PCDH15: variants seen among roughly 807,000 people sequenced by gnomAD.
PCDH15 encodes the protein protocadherin related 15.
Under a neutral mutation model 178.5 loss-of-function variants are expected in PCDH15, and 129 were observed. The ratio of observed to expected loss-of-function variants is 0.72; its 90% CI spans 0.63 to 0.84. The LOEUF (loss-of-function observed/expected upper bound fraction) is 0.84, where lower values mean the gene tolerates loss of function less well. Among genes scored for constraint, PCDH15 ranks in the 40% least tolerant of loss-of-function variants. PCDH15 has a pLI of 0.00. For synonymous variants in PCDH15, 800 were observed against 732.0 expected (o/e 1.09, Z -1.50); for missense variants, 2,230 against 2,099.9 (o/e 1.06, Z -1.21).
intron 1 of PCDH15, among the ~76,000 whole-genome samples, chr10:54,702,088 G>T: frequency 6.6e-6 from 1 of 151,758 alleles, no homozygotes; most frequent in East Asian, 1.9e-4. Context: ...CAACAAAATT[G>T]AAATCATACC....
At chr10:54,527,682 T>C (rs2083484837) in intron 3 of PCDH15, 130 bp downstream of exon 3, 2 of 572,266 alleles carry the variant, frequency 3.5e-6, no homozygotes, top group Admixed American at 7.0e-5. Flanking sequence ...AAACCCATAC[T>C]GGAGGGGAAT....
In PCDH15 at chr10:54,396,213, C is replaced by T. The variant is rs189603341; in HGVS notation, c.158-17271G>A. Reference sequence around the variant, plus strand: ...TTAACAAGCTTTACTTAGCCTTTATCTGCCTTTTCTTTGCCTTGCCTCAAG... The same window carrying T: ...TTAACAAGCTTTACTTAGCCTTTATTTGCCTTTTCTTTGCCTTGCCTCAAG... On this transcript the variant is annotated intron_variant, in intron 3 of 37. Coordinates refer to ENST00000644397, the MANE Select transcript of PCDH15 (RefSeq NM_001384140.1). 2.1e-3 allele frequency among the ~76,000 whole-genome samples: 317 copies of T among 152,284 alleles called. 1 individual carries two copies. Among genetic ancestry groups the T allele is most frequent in the Middle Eastern group, 6.8e-3 (2 of 294 alleles).
chr10:54,582,028 T>C (rs1463379132), intron 2 of PCDH15, among the ~76,000 whole-genome samples: 1 of 152,096 alleles, frequency 6.6e-6, no homozygotes, highest in Admixed American at 6.6e-5. Context: ...AATTTATGGC[T>C]AAATCCTCAA....
At chr10:54,749,275 G>A (rs570863923) in intron 1 of PCDH15, among the ~76,000 whole-genome samples, 1 of 152,132 alleles carries the variant, frequency 6.6e-6, no homozygotes, top group Non-Finnish European at 1.5e-5. Flanking sequence ...ACATGATGAC[G>A]ATTTGTAAAA....
rs935100915 is a variant in PCDH15 at position 55,374,524 on chromosome 10, T to C, written c.-155-207873A>G. Among the ~76,000 whole-genome samples the C allele has an allele frequency of 3.3e-5, 5 of 152,016 alleles. No homozygotes were observed. The East Asian group carries it at 9.6e-4, about 29-fold the overall frequency. On this transcript the variant is annotated intron_variant, in intron 2 of 5. Coordinates refer to the PCDH15 transcript ENST00000613346. ...CAATAGATATCACTTGCTTGACAGA[T>C]GCCAAGTAGAATAGCTTCCCATGAC...
chr10:54,324,324 A>T (rs1377621084), intron 7 of PCDH15, among the ~76,000 whole-genome samples: 1 of 152,224 alleles, frequency 6.6e-6, no homozygotes, highest in African/African-American at 2.4e-5. Context: ...ATAAAGAAAT[A>T]GTAATATTAT....
intron 2 of PCDH15, among the ~76,000 whole-genome samples, chr10:55,486,975 T>C (rs923252669): frequency 7.3e-5 from 11 of 151,634 alleles, no homozygotes; most frequent in African/African-American, 2.7e-4. Context: ...CTGTACTTCA[T>C]GCTTGACTTA....
chr10:54,687,631 C>G lies in PCDH15; in HGVS notation c.-28-23341G>C, dbSNP rs528674909. ...AAAAAAGCTTCAATATCTTATGACACTGGACTCCATTCAGCAATAATTCCA... is the reference window on the plus strand; with the variant it reads ...AAAAAAGCTTCAATATCTTATGACAGTGGACTCCATTCAGCAATAATTCCA... On this transcript the variant is annotated intron_variant, in intron 1 of 37. Transcript: ENST00000644397. 1.6e-4 allele frequency among the ~76,000 whole-genome samples: 24 copies of G among 152,184 alleles called. No individual in the cohort carries two copies. The Middle Eastern group carries it at 0.017, about 108-fold the overall frequency.
At chr10:54,939,505 A>AAAAAAAAAAAAAAAAAAAAAAAAAT (rs1838004682) in intron 2 of PCDH15, among the ~76,000 whole-genome samples, 1 of 148,758 alleles carries the variant, frequency 6.7e-6, no homozygotes, top group East Asian at 1.9e-4. Flanking sequence ...AAAAAAAAAA[A>AAAAAAAAAAAAAAAAAAAAAAAAAT]AAAAAAAAAA....
intron 18 of PCDH15, among the ~76,000 whole-genome samples, chr10:54,036,428 G>C (rs1338850665): frequency 1.3e-5 from 2 of 151,778 alleles, no homozygotes; most frequent in East Asian, 3.9e-4. Flanking sequence ...GAAAATCCTA[G>C]TGCACTTAAG....
intron 3 of PCDH15, among the ~76,000 whole-genome samples, chr10:54,474,336 T>C (rs1477730247): frequency 6.6e-6 from 1 of 151,898 alleles, no homozygotes; most frequent in Non-Finnish European, 1.5e-5. Flanking sequence ...GATCCAAAAA[T>C]ATTAAGTGAT....
intron 3 of PCDH15, among the ~76,000 whole-genome samples, chr10:54,448,668 TACA>T (rs1254886845): frequency 6.6e-6 from 1 of 151,710 alleles, no homozygotes; most frequent in East Asian, 1.9e-4. Context: ...AGCTGTAAGT[TACA>T]ACAATATTGT....
intron 2 of PCDH15, among the ~76,000 whole-genome samples, chr10:54,915,221 C>G (rs1361239128): frequency 6.6e-6 from 1 of 152,184 alleles, no homozygotes; most frequent in Non-Finnish European, 1.5e-5. Flanking sequence ...TGTCTAAGAT[C>G]TGATGATATG....
At chr10:54,583,646 C>T (rs1295031786) in intron 2 of PCDH15, among the ~76,000 whole-genome samples, 2 of 152,070 alleles carry the variant, frequency 1.3e-5, no homozygotes, top group Non-Finnish European at 2.9e-5. Flanking sequence ...TATCAACTCC[C>T]AATTTCTACT....
chr10:53,869,287 A>T, intron 26 of PCDH15, among the ~76,000 whole-genome samples: 1 of 152,200 alleles, frequency 6.6e-6, no homozygotes, highest in East Asian at 1.9e-4. Flanking sequence ...GAAAAACAGT[A>T]TCAAAATTTT....
At chr10:55,480,313 C>T (rs1170720682) in intron 2 of PCDH15, among the ~76,000 whole-genome samples, 1 of 151,576 alleles carries the variant, frequency 6.6e-6, no homozygotes, top group East Asian at 1.9e-4. Context: ...TATTTGAATG[C>T]CTTTTATTTC....
intron 2 of PCDH15, among the ~76,000 whole-genome samples, chr10:54,957,890 C>T (rs1286883816): frequency 2.0e-5 from 3 of 151,710 alleles, no homozygotes; most frequent in Non-Finnish European, 4.4e-5. Context: ...TCTCTGCCTT[C>T]TCCCTGTTTG....
chr10:54,264,597 C>A (rs914582280), intron 8 of PCDH15, among the ~76,000 whole-genome samples: 1 of 152,116 alleles, frequency 6.6e-6, no homozygotes, highest in African/African-American at 2.4e-5. Context: ...GAAAAATTCA[C>A]TAAATAAATT....
chr10:55,107,394 TACA>T (rs1207084777), intron 2 of PCDH15, among the ~76,000 whole-genome samples: 3 of 152,096 alleles, frequency 2.0e-5, no homozygotes, highest in South Asian at 2.1e-4. Flanking sequence ...TGAAAATTTT[TACA>T]ACATTTAAGC....
Sources: allele counts gnomAD v4.1 joint callset (sites outside exome capture counted in the v4.1 genomes callset), GRCh38; gene constraint gnomAD v4.1.1; transcripts MANE v1.5; gene names NCBI Gene and HGNC (gene_info 2026-07-23, HGNC 2026-07-21).